Variants in SLC4A10 observed in about 807,000 individuals in gnomAD.
The protein encoded by SLC4A10 is sodium-driven chloride bicarbonate exchanger.
A neutral mutation model predicts 137.7 loss-of-function variants in SLC4A10; 42 were observed. The observed-to-expected ratio is 0.30, with a 90% confidence interval of 0.24 to 0.39. SLC4A10 has a LOEUF of 0.39. Among genes scored for constraint, SLC4A10 ranks in the 10% least tolerant of loss-of-function variants. SLC4A10 has a pLI of 1.00. For missense variants in SLC4A10, 925 were observed against 1,355.0 expected (o/e 0.68, Z 4.98); for synonymous variants, 474 against 464.1 (o/e 1.02, Z -0.27).
At chr2:161,933,329 CT>C (rs1298122755) in intron 15 of SLC4A10, among the ~76,000 whole-genome samples, 13 of 140,602 alleles carry the variant, frequency 9.2e-5, no homozygotes, top group Non-Finnish European at 2.0e-4. Context: ...TCTCTTTTCT[CT>C]TTTTTCTTTC....
chr2:161,945,490 T>C (rs1367871711), intron 16 of SLC4A10, among the ~76,000 whole-genome samples: 1 of 151,442 alleles, frequency 6.6e-6, no homozygotes, highest in Non-Finnish European at 1.5e-5. Flanking sequence ...CAAGCATTTT[T>C]TGAGTACCCA....
At chr2:161,634,239 G>A (rs1439509499) in intron 1 of SLC4A10, among the ~76,000 whole-genome samples, 1 of 151,786 alleles carries the variant, frequency 6.6e-6, no homozygotes, top group African/African-American at 2.4e-5. Context: ...TGTGTTTGAG[G>A]TTTTCATGGT....
At chr2:161,689,824 C>G (rs1040509972) in intron 1 of SLC4A10, among the ~76,000 whole-genome samples, 3 of 152,052 alleles carry the variant, frequency 2.0e-5, no homozygotes, top group Admixed American at 2.0e-4. Context: ...TGAAGCAAAA[C>G]AAATATATCT....
At chr2:161,637,705 G>A (rs968086211) in intron 1 of SLC4A10, among the ~76,000 whole-genome samples, 3 of 151,982 alleles carry the variant, frequency 2.0e-5, no homozygotes, top group Non-Finnish European at 4.4e-5. Context: ...TGAGGATATT[G>A]TCCATAATGG....
At chr2:161,966,325 A>T (rs748866187) in intron 23 of SLC4A10, among the ~76,000 whole-genome samples, 8 of 152,230 alleles carry the variant, frequency 5.3e-5, no homozygotes, top group Non-Finnish European at 1.0e-4. Flanking sequence ...TTTTCCAAAT[A>T]TTGTAGAAGG....
At chr2:161,962,981 A>G (rs1484043708) in intron 21 of SLC4A10, among the ~76,000 whole-genome samples, 4 of 152,172 alleles carry the variant, frequency 2.6e-5, no homozygotes, top group Admixed American at 6.5e-5. Flanking sequence ...AAAATGCATA[A>G]TGGATGTTAC....
chr2:161,864,138 A>G (rs1292016866), intron 6 of SLC4A10, among the ~76,000 whole-genome samples: 1 of 151,876 alleles, frequency 6.6e-6, no homozygotes, highest in Non-Finnish European at 1.5e-5. Context: ...GGTGGCGGAG[A>G]TTGCAGTGAG....
chr2:161,721,616 C>T (rs1037609310), intron 1 of SLC4A10, among the ~76,000 whole-genome samples: 1 of 152,158 alleles, frequency 6.6e-6, no homozygotes, highest in Non-Finnish European at 1.5e-5. Context: ...CTGCCCTTAA[C>T]ATTTTTTCCT....
chr2:161,905,915 G>T, intron 15 of SLC4A10, 28 bp downstream of exon 15: 1 of 1,549,098 alleles, frequency 6.5e-7, no homozygotes, highest in South Asian at 1.3e-5. Flanking sequence ...TGCTGGCCTT[G>T]GGGCTTTTCT....
At chr2:161,677,320 G>C (rs1249106933) in intron 1 of SLC4A10, among the ~76,000 whole-genome samples, 1 of 152,096 alleles carries the variant, frequency 6.6e-6, no homozygotes, top group Non-Finnish European at 1.5e-5. Context: ...TTCTTGTACA[G>C]CCTGCAGAAC....
At chr2:161,938,861 T>C (rs963568574) in intron 15 of SLC4A10, among the ~76,000 whole-genome samples, 1 of 151,224 alleles carries the variant, frequency 6.6e-6, no homozygotes, top group Non-Finnish European at 1.5e-5. Context: ...TCCATACATA[T>C]CCTAGGGAAA....
chr2:161,801,309 CT>C (rs1559279721), intron 2 of SLC4A10, among the ~76,000 whole-genome samples: 1 of 151,850 alleles, frequency 6.6e-6, no homozygotes, highest in Non-Finnish European at 1.5e-5. Context: ...TCATTTCTGT[CT>C]CTTTATATCC....
chr2:161,922,699 TA>T (rs1553625160), intron 15 of SLC4A10, among the ~76,000 whole-genome samples: 1 of 152,172 alleles, frequency 6.6e-6, no homozygotes, highest in Non-Finnish European at 1.5e-5. Flanking sequence ...CTATGAGAGA[TA>T]CCTTTTTCTT....
intron 16 of SLC4A10, among the ~76,000 whole-genome samples, chr2:161,944,227 G>A (rs937946566): frequency 1.3e-5 from 2 of 151,746 alleles, no homozygotes; most frequent in African/African-American, 4.8e-5. Context: ...ATTTAGACAT[G>A]GGGTCATGAT....
chr2:161,847,815 G>A (rs1371180756), intron 4 of SLC4A10, among the ~76,000 whole-genome samples: 1 of 152,152 alleles, frequency 6.6e-6, no homozygotes, highest in Non-Finnish European at 1.5e-5. Context: ...TTGCTATTGT[G>A]AATAGTGCTG....
intron 15 of SLC4A10, among the ~76,000 whole-genome samples, chr2:161,933,457 A>G (rs938992039): frequency 4.6e-5 from 7 of 150,794 alleles, no homozygotes; most frequent in Admixed American, 3.3e-4. Context: ...CAGTGGCACA[A>G]TCATAGCTCA....
At chr2:161,814,526 A>C (rs1575094332) in intron 3 of SLC4A10, among the ~76,000 whole-genome samples, 1 of 152,300 alleles carries the variant, frequency 6.6e-6, no homozygotes, top group African/African-American at 2.4e-5. Context: ...GAATCAACCT[A>C]GGTGCTCATC....
At chr2:161,918,729 G>A (rs62188845) in intron 15 of SLC4A10, among the ~76,000 whole-genome samples, 10,215 of 152,178 alleles carry the variant, frequency 0.067, 451 homozygotes, top group East Asian at 0.13. Flanking sequence ...GGCAGCAGTG[G>A]CCCATCTGAA....
At chr2:161,932,189 G>T (rs1690525644) in intron 15 of SLC4A10, among the ~76,000 whole-genome samples, 1 of 152,124 alleles carries the variant, frequency 6.6e-6, no homozygotes, top group African/African-American at 2.4e-5. Context: ...TAGTGAACTG[G>T]CTTACAGACT....
Sources: allele counts gnomAD v4.1 joint callset (sites outside exome capture counted in the v4.1 genomes callset), GRCh38; gene constraint gnomAD v4.1.1; transcripts MANE v1.5; gene names NCBI Gene and HGNC (gene_info 2026-07-23, HGNC 2026-07-21).